Variants in TACC1 observed in about 807,000 individuals in gnomAD.
TACC1 encodes the protein transforming acidic coiled-coil-containing protein 1.
TACC1 carries 48 observed loss-of-function variants against 84.4 expected under a neutral mutation model. The ratio of observed to expected loss-of-function variants is 0.57; its 90% CI spans 0.45 to 0.72. The LOEUF is 0.72. TACC1 is among the 30% of genes least tolerant of loss of function. The probability of loss-of-function intolerance (pLI) is 0.00; values close to 1 mark genes in which losing one functional copy is unlikely to be tolerated. For synonymous variants in TACC1, 372 were observed against 376.3 expected (o/e 0.99, Z 0.13); for missense variants, 920 against 973.0 (o/e 0.95, Z 0.72).
intron 3 of TACC1, among the ~76,000 whole-genome samples, chr8:38,747,974 T>C (rs1808370720): frequency 6.6e-6 from 1 of 152,014 alleles, no homozygotes; most frequent in Non-Finnish European, 1.5e-5. Flanking sequence ...GTGGGAACTG[T>C]CTGTACTTTC....
At chr8:38,738,328 G>A (rs1271278835) in intron 1 of TACC1, among the ~76,000 whole-genome samples, 1 of 151,934 alleles carries the variant, frequency 6.6e-6, no homozygotes, top group Non-Finnish European at 1.5e-5. Context: ...AGGATCTCTT[G>A]AGCCTGGGAG....
chr8:38,821,714 ATTACT>A (rs1438907172), intron 3 of TACC1, among the ~76,000 whole-genome samples: 4 of 152,232 alleles, frequency 2.6e-5, no homozygotes, highest in African/African-American at 9.6e-5. Flanking sequence ...TTGCTACAGG[ATTACT>A]TTATCACAAA....
chr8:38,741,645 G>A (rs1351305734), intron 1 of TACC1, among the ~76,000 whole-genome samples: 1 of 152,254 alleles, frequency 6.6e-6, no homozygotes, highest in East Asian at 1.9e-4. Flanking sequence ...TGGAAATAAA[G>A]TATTGGTGGA....
chr8:38,814,138 A>T (rs558453434), intron 2 of TACC1, among the ~76,000 whole-genome samples: 12 of 152,338 alleles, frequency 7.9e-5, no homozygotes, highest in Non-Finnish European at 1.8e-4. Flanking sequence ...TTAGGAAAAG[A>T]CTAAGTAGAA....
intron 3 of TACC1, among the ~76,000 whole-genome samples, chr8:38,763,592 A>G (rs1390998494): frequency 6.6e-6 from 1 of 152,166 alleles, no homozygotes; most frequent in Non-Finnish European, 1.5e-5. Flanking sequence ...ACTACCCATA[A>G]TCTCATCATC....
chr8:38,815,961 A>G (rs1046305517), intron 2 of TACC1, among the ~76,000 whole-genome samples: 22 of 135,276 alleles, frequency 1.6e-4, no homozygotes, highest in African/African-American at 5.7e-4. Flanking sequence ...GACCATGTTT[A>G]AAAAAAAAAA....
At chr8:38,805,014 C>G (rs1345393882) in intron 2 of TACC1, among the ~76,000 whole-genome samples, 2 of 152,204 alleles carry the variant, frequency 1.3e-5, no homozygotes, top group African/African-American at 4.8e-5. Context: ...ACCTATTTCC[C>G]TATTTCTTGA....
At chr8:38,756,286 A>G (rs1383903317) in intron 3 of TACC1, among the ~76,000 whole-genome samples, 2 of 152,024 alleles carry the variant, frequency 1.3e-5, no homozygotes, top group Non-Finnish European at 2.9e-5. Flanking sequence ...TGAAATCGAA[A>G]CAGATTCCCT....
chr8:38,825,159 C>T (rs1161136526), intron 3 of TACC1, 149 bp from the exon 4 acceptor site: 1 of 771,366 alleles, frequency 1.3e-6, no homozygotes, highest in South Asian at 1.6e-5. Flanking sequence ...TAAAAGGTGT[C>T]CCTGCCTCTC....
intron 1 of TACC1, among the ~76,000 whole-genome samples, chr8:38,731,615 T>C (rs543716912): frequency 1.4e-4 from 22 of 152,304 alleles, no homozygotes; most frequent in African/African-American, 4.3e-4. Flanking sequence ...ACAAATGCAA[T>C]GTAATTTCAA....
At chr8:38,743,981 A>C (rs751277667) in intron 2 of TACC1, 9 of 152,274 alleles carry the variant, frequency 5.9e-5, no homozygotes, top group Non-Finnish European at 1.3e-4. Context: ...TAACCTCAGC[A>C]CATGGCTTGT....
At position 38,787,651 on chromosome 8, in the gene TACC1, C is replaced by T; in HGVS notation, c.69C>T (p.Arg23=). 1.3e-6 allele frequency: 2 copies of T among 1,549,784 alleles called. No homozygotes were observed. The highest frequency in any genetic ancestry group is 1.7e-6 in the Non-Finnish European group (2 of 1,148,262). ...QWAKWTWSAV[R]GGAAGEDEAG... ...CGAAATGGACGTGGTCTGCGGTACG[C>T]GGCGGGGCCGCCGGCGAGGACGAGG... Residue 23 remains arginine (R), a synonymous_variant, in exon 1 of 13, where the codon CGC becomes CGT. Coordinates refer to ENST00000317827, the MANE Select transcript of TACC1 (RefSeq NM_006283.3).
chr8:38,819,997 C>T lies in TACC1; in HGVS notation c.753C>T (p.Asn251=), dbSNP rs143879486. ...KAIGGEFSDT[N]AAVEGTPLPK... is the part of the protein sequence containing the mutation. Reference sequence around the variant, plus strand: ...TTGGAGGAGAGTTCTCAGACACCAACGCTGCTGTGGAGGGCACACCTCTCC... The same window carrying T: ...TTGGAGGAGAGTTCTCAGACACCAATGCTGCTGTGGAGGGCACACCTCTCC... Residue 251 remains asparagine, a synonymous_variant, in exon 3 of 13, where the codon AAC becomes AAT. Coordinates refer to ENST00000317827, the MANE Select transcript of TACC1 (RefSeq NM_006283.3). The T allele has an allele frequency of 2.2e-5, 35 of 1,614,052 alleles. No individual in the cohort carries two copies. Among genetic ancestry groups the T allele is most frequent in the African/African-American group, 1.2e-4 (9 of 75,050 alleles).
upstream of TACC1, chr8:38,785,789 A>ACAC: frequency 1.2e-6 from 1 of 855,652 alleles, no homozygotes; most frequent in Non-Finnish European, 1.4e-6. Flanking sequence ...GATATATTTC[A>ACAC]CATGGACCTC....
At chr8:38,842,207 C>A in intron 9 of TACC1, 80 bp from the exon 10 acceptor site, 2 of 1,510,044 alleles carry the variant, frequency 1.3e-6, no homozygotes, top group Non-Finnish European at 1.8e-6. Flanking sequence ...TGTGTCCCTA[C>A]CACGAGAACA....
At chr8:38,768,973 G>A (rs1321109017) in intron 3 of TACC1, among the ~76,000 whole-genome samples, 1 of 150,568 alleles carries the variant, frequency 6.6e-6, no homozygotes, top group Non-Finnish European at 1.5e-5. Flanking sequence ...GGGGATGGGA[G>A]TGTGTGATAT....
chr8:38,787,793 A>C, intron 1 of TACC1, 50 bp downstream of exon 1: 1 of 1,441,158 alleles, frequency 6.9e-7, no homozygotes. Context: ...GCCTCCATCC[A>C]TCTGCGACTC....
intron 7 of TACC1, 21 bp from the exon 8 acceptor site, chr8:38,838,449 C>CT: frequency 6.3e-7 from 1 of 1,587,484 alleles, no homozygotes; most frequent in East Asian, 2.2e-5. Flanking sequence ...TTGGGTAAAA[C>CT]TAAGCTTTAT....
intron 2 of TACC1, among the ~76,000 whole-genome samples, chr8:38,817,757 G>A (rs1488886137): frequency 6.6e-6 from 1 of 151,732 alleles, no homozygotes; most frequent in Non-Finnish European, 1.5e-5. Context: ...AATCATAGAA[G>A]ATTCATGAGA....
Sources: allele counts gnomAD v4.1 joint callset (sites outside exome capture counted in the v4.1 genomes callset), GRCh38; gene constraint gnomAD v4.1.1; transcripts MANE v1.5; gene names NCBI Gene and HGNC (gene_info 2026-07-23, HGNC 2026-07-21).